The following NXN variants were observed in gnomAD, a reference collection of about 807,000 sequenced individuals.
The protein encoded by NXN is nucleoredoxin.
NXN carries 16 observed loss-of-function variants against 48.6 expected under a neutral mutation model. The observed-to-expected ratio is 0.33, with a 90% CI of 0.22 to 0.50. NXN has a LOEUF of 0.50. NXN is among the 20% of genes least tolerant of loss of function. NXN has a pLI of 0.98. For missense variants in NXN, 492 were observed against 605.5 expected, an observed-to-expected ratio of 0.81 and a Z score of 1.97; for synonymous variants, 281 against 269.6, an observed-to-expected ratio of 1.04 and a Z score of -0.41.
At chr17:833,549 C>A (rs541838492) in intron 1 of NXN, among the ~76,000 whole-genome samples, 3 of 152,048 alleles carry the variant, frequency 2.0e-5, no homozygotes, top group African/African-American at 7.2e-5. Context: ...CTGAAAACAG[C>A]GGTTTCATAG....
At chr17:905,137 G>A (rs1003038763) in intron 1 of NXN, 1 of 152,110 alleles carries the variant, frequency 6.6e-6, no homozygotes, top group African/African-American at 2.4e-5. Flanking sequence ...AATAGGCCAG[G>A]TGTGGTGGCT....
intron 1 of NXN, among the ~76,000 whole-genome samples, chr17:832,585 A>G (rs1290854250): frequency 6.6e-6 from 1 of 152,138 alleles, no homozygotes; most frequent in African/African-American, 2.4e-5. Flanking sequence ...AAACCTTGCC[A>G]GCTAAAGAAG....
intron 1 of NXN, among the ~76,000 whole-genome samples, chr17:954,535 T>C (rs2069145328): frequency 6.6e-6 from 1 of 152,174 alleles, no homozygotes; most frequent in Non-Finnish European, 1.5e-5. Context: ...TTTTTGTTTT[T>C]CTCCTACTCA....
chr17:901,072 C>T (rs1374085158), intron 1 of NXN, among the ~76,000 whole-genome samples: 1 of 152,018 alleles, frequency 6.6e-6, no homozygotes, highest in African/African-American at 2.4e-5. Context: ...AGGCATCCAC[C>T]ACCACGCCTG....
In NXN at chr17:959,095, C is replaced by T. The variant is rs147256683; in HGVS notation, c.360+20224G>A. On this transcript the variant is annotated intron_variant, in intron 1 of 7. Coordinates refer to ENST00000336868, the MANE Select transcript of NXN (RefSeq NM_022463.5). ...ATCACGGGCGGTGTGGCTGGAGGCG[C>T]GTCGACCTGATGTATGGCCAGGAGC... The T allele has an allele frequency of 1.8e-3, 587 of 329,706 alleles. 7 individuals are homozygous for T. The highest frequency in any genetic ancestry group is 0.012 in the African/African-American group (546 of 45,764). 20.4% of individuals were successfully genotyped at this position (329,706 alleles called of 1,614,324 possible). A position where few individuals can be genotyped will look rare whatever the true frequency, so the allele number is the denominator to read the frequency against.
At chr17:842,014 T>C (rs1468450839) in intron 1 of NXN, among the ~76,000 whole-genome samples, 1 of 152,094 alleles carries the variant, frequency 6.6e-6, no homozygotes, top group Non-Finnish European at 1.5e-5. Flanking sequence ...CGCATGTCTG[T>C]AACCCCAGCA....
At chr17:855,524 A>T (rs2067975807) in intron 1 of NXN, among the ~76,000 whole-genome samples, 1 of 152,172 alleles carries the variant, frequency 6.6e-6, no homozygotes, top group Admixed American at 6.6e-5. Flanking sequence ...AGTTCTATTC[A>T]CGAACAGGTT....
intron 1 of NXN, among the ~76,000 whole-genome samples, chr17:891,946 A>G (rs370411415): frequency 4.0e-3 from 398 of 99,990 alleles, no homozygotes; most frequent in South Asian, 0.01. Flanking sequence ...GGGAACCTAA[A>G]CTAACCCCAC....
intron 4 of NXN, among the ~76,000 whole-genome samples, chr17:822,156 G>A (rs1912852394): frequency 6.6e-6 from 1 of 151,938 alleles, no homozygotes; most frequent in Admixed American, 6.6e-5. Flanking sequence ...GCGGGCACCT[G>A]TAATTCCAGC....
chr17:954,110 G>A (rs2069141679), intron 1 of NXN, among the ~76,000 whole-genome samples: 2 of 152,102 alleles, frequency 1.3e-5, no homozygotes, highest in South Asian at 2.1e-4. Context: ...AGGCGCCGTG[G>A]CTCATGCCTG....
chr17:829,191 C>G (rs1913311308), intron 1 of NXN, among the ~76,000 whole-genome samples: 1 of 150,740 alleles, frequency 6.6e-6, no homozygotes, highest in African/African-American at 2.4e-5. Context: ...GAGTCTCGCT[C>G]TGTTGCCCAG....
chr17:903,856 A>C, intron 1 of NXN, among the ~76,000 whole-genome samples: 1 of 152,230 alleles, frequency 6.6e-6, no homozygotes, highest in Non-Finnish European at 1.5e-5. Flanking sequence ...GCCTTCATTC[A>C]GGGTAGACCA....
chr17:961,910 G>A (rs2069242382), intron 1 of NXN, among the ~76,000 whole-genome samples: 1 of 152,130 alleles, frequency 6.6e-6, no homozygotes, highest in Non-Finnish European at 1.5e-5. Context: ...GGAGGCGGGT[G>A]GATCACCTGA....
intron 1 of NXN, among the ~76,000 whole-genome samples, chr17:886,612 A>G (rs922595451): frequency 1.3e-5 from 2 of 152,118 alleles, no homozygotes; most frequent in African/African-American, 4.8e-5. Context: ...CCCCATCTCT[A>G]CTAAAAATAC....
chr17:926,745 A>C (rs1040730568), intron 1 of NXN, among the ~76,000 whole-genome samples: 4 of 788 alleles, frequency 5.1e-3, no homozygotes, highest in African/African-American at 8.4e-3. Flanking sequence ...GGGTTTCGTC[A>C]TGTTCCCAAG....
At chr17:926,754 A>G (rs34403229) in intron 1 of NXN, among the ~76,000 whole-genome samples, 151,514 of 151,754 alleles carry the variant, frequency 1, 75,638 homozygotes, top group Non-Finnish European at 1. Context: ...CATGTTCCCA[A>G]GCTGCTCAAA....
chr17:906,264 T>C (rs2068580365), intron 1 of NXN, among the ~76,000 whole-genome samples: 1 of 152,170 alleles, frequency 6.6e-6, no homozygotes, highest in Non-Finnish European at 1.5e-5. Context: ...TGGCACCATA[T>C]AGTTAAGAAG....
chr17:938,259 G>C (rs1352539949), intron 1 of NXN, among the ~76,000 whole-genome samples: 1 of 152,248 alleles, frequency 6.6e-6, no homozygotes, highest in South Asian at 2.1e-4. Flanking sequence ...TGAAAAGCAC[G>C]AGATGATGGG....
chr17:912,435 A>T (rs2068645231), intron 1 of NXN, among the ~76,000 whole-genome samples: 1 of 152,102 alleles, frequency 6.6e-6, no homozygotes, highest in Admixed American at 6.6e-5. Context: ...ACCGCATCAG[A>T]TTACGCTCCC....
Sources: allele counts gnomAD v4.1 joint callset (sites outside exome capture counted in the v4.1 genomes callset), GRCh38; gene constraint gnomAD v4.1.1; transcripts MANE v1.5; gene names NCBI Gene and HGNC (gene_info 2026-07-23, HGNC 2026-07-21).